ADAMTS18: variants seen among roughly 807,000 people sequenced by gnomAD.
The protein encoded by ADAMTS18 is ADAM metallopeptidase with thrombospondin type 1 motif 18.
A neutral mutation model predicts 165.9 loss-of-function variants in ADAMTS18; 157 were observed. The observed-to-expected ratio is 0.95, with a 90% confidence interval of 0.83 to 1.08. The LOEUF is 1.08. Ranked by LOEUF, ADAMTS18 falls within the 50% of genes least tolerant of loss-of-function variation. ADAMTS18 has a pLI of 0.00. For synonymous variants in ADAMTS18, 782 were observed against 578.2 expected, an observed-to-expected ratio of 1.35 and a Z score of -5.06; for missense variants, 2,040 against 1,534.0, an observed-to-expected ratio of 1.33 and a Z score of -5.51.
chr16:77,304,537 A>G (rs193043323), intron 16 of ADAMTS18, among the ~76,000 whole-genome samples: 4 of 152,344 alleles, frequency 2.6e-5, no homozygotes, highest in Admixed American at 6.5e-5. Context: ...AAACTGTTAC[A>G]CTGTGTTTCC....
intron 21 of ADAMTS18, among the ~76,000 whole-genome samples, chr16:77,290,204 G>A (rs1318976046): frequency 1.3e-5 from 2 of 152,080 alleles, no homozygotes; most frequent in African/African-American, 4.8e-5. Context: ...CCTTTAAAGG[G>A]GAAGATAGAT....
chr16:77,356,265 G>A (rs1329316062), intron 8 of ADAMTS18, among the ~76,000 whole-genome samples, 188 bp from the exon 9 acceptor site: 1 of 152,174 alleles, frequency 6.6e-6, no homozygotes, highest in Non-Finnish European at 1.5e-5. Context: ...CTTTAAAAAT[G>A]CTGAGGGCTT....
chr16:77,302,156 C>T (rs2055596216), intron 16 of ADAMTS18, among the ~76,000 whole-genome samples: 1 of 151,982 alleles, frequency 6.6e-6, no homozygotes, highest in African/African-American at 2.4e-5. Flanking sequence ...AGTATGCTTT[C>T]CTGCAGTGTT....
intron 2 of ADAMTS18, among the ~76,000 whole-genome samples, chr16:77,433,987 A>G (rs765562080): frequency 3.9e-5 from 6 of 152,166 alleles, no homozygotes; most frequent in African/African-American, 1.4e-4. Context: ...AAAGGAACAG[A>G]AGTCGAGAGA....
At chr16:77,349,194 A>G (rs1396649615) in intron 10 of ADAMTS18, among the ~76,000 whole-genome samples, 2 of 152,160 alleles carry the variant, frequency 1.3e-5, no homozygotes, top group African/African-American at 4.8e-5. Context: ...TTGGAACCCC[A>G]AACTCATTAA....
intron 11 of ADAMTS18, among the ~76,000 whole-genome samples, chr16:77,341,442 T>C (rs1035844570): frequency 6.6e-5 from 10 of 151,934 alleles, no homozygotes; most frequent in Admixed American, 2.6e-4. Flanking sequence ...TGTAAGCTCA[T>C]TGAAATAGAG....
chr16:77,287,246 C>T (rs1223913139), intron 22 of ADAMTS18, among the ~76,000 whole-genome samples: 2 of 152,110 alleles, frequency 1.3e-5, no homozygotes, highest in Admixed American at 6.5e-5. Flanking sequence ...CGTCACCATG[C>T]GCCTCCTTAC....
At chr16:77,410,033 C>T (rs998855273) in intron 3 of ADAMTS18, among the ~76,000 whole-genome samples, 1 of 151,980 alleles carries the variant, frequency 6.6e-6, no homozygotes, top group Non-Finnish European at 1.5e-5. Flanking sequence ...AATTTTGATG[C>T]TCTATAATAG....
intron 19 of ADAMTS18, among the ~76,000 whole-genome samples, 153 bp downstream of exon 19, chr16:77,294,770 A>G (rs2055433390): frequency 6.6e-6 from 1 of 152,160 alleles, no homozygotes; most frequent in South Asian, 2.1e-4. Context: ...TTTCCTAAAG[A>G]ACATTAGTTA....
At chr16:77,363,517 A>G (rs2056746020) in intron 6 of ADAMTS18, among the ~76,000 whole-genome samples, 1 of 137,902 alleles carries the variant, frequency 7.3e-6, no homozygotes, top group Non-Finnish European at 1.5e-5. Context: ...TATATTTCAT[A>G]TTTTTATTTA....
At chr16:77,401,302 T>G (rs958174456) in intron 3 of ADAMTS18, among the ~76,000 whole-genome samples, 2 of 151,964 alleles carry the variant, frequency 1.3e-5, no homozygotes, top group Non-Finnish European at 2.9e-5. Flanking sequence ...GAAACCAAAT[T>G]GTAACATAAA....
chr16:77,354,613 T>C (rs2056601802), intron 9 of ADAMTS18, among the ~76,000 whole-genome samples: 1 of 151,732 alleles, frequency 6.6e-6, no homozygotes. Context: ...GTGAGACAGA[T>C]GGGGGTCCTA....
intron 10 of ADAMTS18, 36 bp from the exon 11 acceptor site, chr16:77,341,835 G>T: frequency 6.8e-7 from 1 of 1,471,822 alleles, no homozygotes; most frequent in Non-Finnish European, 9.4e-7. Context: ...TGTTAATGGT[G>T]ATATACAATA....
At chr16:77,386,488 A>T (rs1200828235) in intron 3 of ADAMTS18, among the ~76,000 whole-genome samples, 1 of 152,128 alleles carries the variant, frequency 6.6e-6, no homozygotes, top group African/African-American at 2.4e-5. Context: ...GAAGCCATAA[A>T]TTCCATTTTG....
intron 19 of ADAMTS18, 89 bp downstream of exon 19, chr16:77,294,834 C>T: frequency 4.0e-6 from 5 of 1,254,426 alleles, no homozygotes; most frequent in Non-Finnish European, 4.6e-6. Flanking sequence ...AACATGTAAA[C>T]TGCCAAGAGC....
At chr16:77,364,670 T>G (rs1597175681) in intron 4 of ADAMTS18, among the ~76,000 whole-genome samples, 2 of 142,302 alleles carry the variant, frequency 1.4e-5, no homozygotes. Flanking sequence ...AATGGGTAGG[T>G]GGGTAGAAAT....
intron 3 of ADAMTS18, among the ~76,000 whole-genome samples, chr16:77,396,451 T>C (rs1368590857): frequency 1.2e-4 from 19 of 152,284 alleles, no homozygotes; most frequent in East Asian, 1.9e-4. Context: ...CCAGATACCA[T>C]ATGGGTTATG....
In ADAMTS18 at chr16:77,320,014, G is replaced by C. The variant is rs145904992; in HGVS notation, c.2367C>G (p.Leu789=). The C allele has an allele frequency of 6.5e-5, 105 of 1,614,118 alleles. No homozygotes were observed. The highest frequency in any genetic ancestry group is 4.5e-4 in the East Asian group (20 of 44,866). ...IQELQVSSSY[L]AVRSLSQKYY... is the part of the protein sequence containing the mutation. ...ACTTTTGACTGAGGCTTCGAACTGC[G>C]AGGTAACTGGAGGAAACCTGCAGCT... The change falls in exon 16 of 23, where the codon CTC becomes CTG. Residue 789 remains leucine, a synonymous_variant. Coordinates refer to ENST00000282849, the MANE Select transcript of ADAMTS18 (RefSeq NM_199355.4).
chr16:77,320,785 A>G (rs1253816675), intron 15 of ADAMTS18, among the ~76,000 whole-genome samples: 3 of 152,260 alleles, frequency 2.0e-5, no homozygotes, highest in East Asian at 1.9e-4. Flanking sequence ...TAGAGATCAC[A>G]TAAGTTTCAC....
Sources: allele counts gnomAD v4.1 joint callset (sites outside exome capture counted in the v4.1 genomes callset), GRCh38; gene constraint gnomAD v4.1.1; transcripts MANE v1.5; gene names NCBI Gene and HGNC (gene_info 2026-07-23, HGNC 2026-07-21).